Variants in WWOX observed in about 807,000 individuals in gnomAD.
WWOX encodes the protein WW domain containing oxidoreductase, also known as WW domain-containing oxidoreductase.
Under a neutral mutation model 46.2 loss-of-function variants are expected in WWOX, and 69 were observed. That is an observed-to-expected ratio of 1.49 (90% CI 1.23 to 1.82). WWOX has a LOEUF of 1.82. WWOX is among the 40% of genes most tolerant of loss of function. WWOX has a pLI of 0.00. For synonymous variants in WWOX, 359 were observed against 202.6 expected (o/e 1.77, Z -6.56); for missense variants, 919 against 542.6 (o/e 1.69, Z -6.89).
At chr16:78,735,702 G>T (rs1160129020) in intron 8 of WWOX, among the ~76,000 whole-genome samples, 1 of 152,140 alleles carries the variant, frequency 6.6e-6, no homozygotes. Context: ...GTGATGCCTG[G>T]CTCAAGTACT....
chr16:78,275,623 G>T (rs1035006060), intron 5 of WWOX, among the ~76,000 whole-genome samples: 9 of 152,180 alleles, frequency 5.9e-5, no homozygotes, highest in Admixed American at 5.2e-4. Context: ...AGCATGGCAG[G>T]CTCCCAGTAA....
intron 8 of WWOX, among the ~76,000 whole-genome samples, chr16:79,111,487 G>A (rs564974744): frequency 3.4e-4 from 52 of 152,230 alleles, no homozygotes; most frequent in African/African-American, 1.2e-3. Context: ...TCAAGCACTC[G>A]AGTATCCTAA....
intron 5 of WWOX, among the ~76,000 whole-genome samples, chr16:78,329,943 G>A (rs993320665): frequency 6.6e-6 from 1 of 151,866 alleles, no homozygotes; most frequent in Non-Finnish European, 1.5e-5. Context: ...ACAAGTTCTT[G>A]CTATGTTGCC....
intron 8 of WWOX, among the ~76,000 whole-genome samples, chr16:78,494,661 G>C (rs1027435103): frequency 1.2e-4 from 18 of 152,140 alleles, no homozygotes; most frequent in African/African-American, 4.3e-4. Flanking sequence ...ATTTTGCATG[G>C]TTCTGGCTTA....
At chr16:78,876,355 A>G (rs1180875462) in intron 8 of WWOX, among the ~76,000 whole-genome samples, 1 of 151,392 alleles carries the variant, frequency 6.6e-6, no homozygotes, top group Non-Finnish European at 1.5e-5. Context: ...TTTGTCTGGA[A>G]TTTTCTCTCC....
intron 8 of WWOX, among the ~76,000 whole-genome samples, chr16:79,190,340 T>TG: frequency 6.6e-6 from 1 of 151,672 alleles, no homozygotes; most frequent in Non-Finnish European, 1.5e-5. Context: ...TCCTTTTTTA[T>TG]GGAAAAAAAA....
intron 8 of WWOX, among the ~76,000 whole-genome samples, chr16:78,654,667 G>A (rs562821748): frequency 3.3e-5 from 5 of 151,542 alleles, no homozygotes; most frequent in Admixed American, 2.6e-4. Flanking sequence ...CTGTGTGTAT[G>A]TGTGTGTGTG....
chr16:78,378,782 G>A (rs1463769454), intron 5 of WWOX, among the ~76,000 whole-genome samples: 5 of 152,184 alleles, frequency 3.3e-5, no homozygotes, highest in Non-Finnish European at 5.9e-5. Flanking sequence ...TAAGCTCTGA[G>A]TGTAGATTAT....
intron 8 of WWOX, among the ~76,000 whole-genome samples, chr16:78,490,579 A>C (rs1250595475): frequency 6.6e-6 from 1 of 152,194 alleles, no homozygotes; most frequent in Non-Finnish European, 1.5e-5. Flanking sequence ...GAGAAAGAAG[A>C]CAGGGCATTT....
At chr16:79,132,281 G>A (rs1447711821) in intron 8 of WWOX, among the ~76,000 whole-genome samples, 2 of 152,168 alleles carry the variant, frequency 1.3e-5, no homozygotes, top group Non-Finnish European at 2.9e-5. Context: ...CAGCAGTGGT[G>A]AAGCTGGAAG....
intron 8 of WWOX, among the ~76,000 whole-genome samples, chr16:78,788,067 G>C (rs2050499533): frequency 6.6e-6 from 1 of 152,050 alleles, no homozygotes; most frequent in African/African-American, 2.4e-5. Flanking sequence ...TAAATCCTTT[G>C]CAAACATTTT....
At position 78,273,298 on chromosome 16, in the gene WWOX, G is replaced by A. The variant is rs557490062; in HGVS notation, c.516+109009G>A. 4.6e-5 allele frequency among the ~76,000 whole-genome samples: 7 copies of A among 152,120 alleles called. No homozygotes were observed. In the South Asian group the frequency reaches 1.5e-3, roughly 32 times the overall value. On this transcript the variant is annotated intron_variant, in intron 5 of 8. Transcript: ENST00000566780. The stretch of plus-strand genomic sequence containing the variant: ...CTAGTTGTCCAAACTTTATCCCCAG[G>A]TGGTTGAACTTTCTAAGTTTCCCCA...
At chr16:78,490,231 A>G (rs924603592) in intron 8 of WWOX, among the ~76,000 whole-genome samples, 1 of 134,798 alleles carries the variant, frequency 7.4e-6, no homozygotes, top group East Asian at 2.0e-4. Flanking sequence ...GTGATAATAT[A>G]TGGTCCCATG....
At chr16:78,738,316 C>G (rs576881070) in intron 8 of WWOX, among the ~76,000 whole-genome samples, 1 of 152,024 alleles carries the variant, frequency 6.6e-6, no homozygotes, top group Non-Finnish European at 1.5e-5. Context: ...AGAGCAATCA[C>G]AATGATTGTT....
intron 6 of WWOX, among the ~76,000 whole-genome samples, chr16:78,421,609 C>G (rs1014024605): frequency 1.3e-5 from 2 of 152,188 alleles, no homozygotes; most frequent in African/African-American, 2.4e-5. Flanking sequence ...CTCACAGATT[C>G]CTACCATTCA....
At chr16:78,613,932 C>T (rs1205804059) in intron 8 of WWOX, among the ~76,000 whole-genome samples, 1 of 152,194 alleles carries the variant, frequency 6.6e-6, no homozygotes, top group African/African-American at 2.4e-5. Flanking sequence ...TATTGCTATA[C>T]AGCTGTACCT....
chr16:79,193,101 A>C (rs1350049688), intron 8 of WWOX, among the ~76,000 whole-genome samples: 1 of 152,262 alleles, frequency 6.6e-6, no homozygotes, highest in African/African-American at 2.4e-5. Context: ...GGGCAAGGCC[A>C]GCACTTTCCA....
intron 8 of WWOX, among the ~76,000 whole-genome samples, chr16:79,065,614 C>A (rs1457779727): frequency 6.6e-6 from 1 of 152,166 alleles, no homozygotes; most frequent in Non-Finnish European, 1.5e-5. Flanking sequence ...TGGGGAAGTT[C>A]CAAATCTTGT....
chr16:79,201,008 C>T (rs1428100104), intron 8 of WWOX, among the ~76,000 whole-genome samples: 1 of 152,028 alleles, frequency 6.6e-6, no homozygotes. Flanking sequence ...TGTTGTGTGC[C>T]CAGGAAATGG....
Sources: gnomAD v4.1 joint callset for allele counts (sites outside exome capture counted in the v4.1 genomes callset) on GRCh38, gnomAD v4.1.1 for gene constraint, MANE v1.5 for transcripts, NCBI Gene and HGNC (gene_info 2026-07-23, HGNC 2026-07-21) for gene names.